SEMA6A: variants seen among roughly 807,000 people sequenced by gnomAD.
The protein encoded by SEMA6A is semaphorin 6A.
A neutral mutation model predicts 96.8 loss-of-function variants in SEMA6A; 25 were observed. The ratio of observed to expected loss-of-function variants is 0.26; its 90% confidence interval spans 0.19 to 0.36. The LOEUF (loss-of-function observed/expected upper bound fraction) is 0.36. Among genes scored for constraint, SEMA6A ranks in the 10% least tolerant of loss-of-function variants. The pLI is 1.00. For synonymous variants in SEMA6A, 612 were observed against 518.0 expected, an observed-to-expected ratio of 1.18 and a Z score of -2.46; for missense variants, 1,363 against 1,323.1, an observed-to-expected ratio of 1.03 and a Z score of -0.47.
intron 1 of SEMA6A, among the ~76,000 whole-genome samples, chr5:116,548,769 G>A (rs1760286117): frequency 6.6e-6 from 1 of 152,128 alleles, no homozygotes; most frequent in Non-Finnish European, 1.5e-5. Flanking sequence ...GTATTGCTTT[G>A]CACAGTTCTG....
chr5:116,472,790 A>C (rs1160422764), intron 17 of SEMA6A: 1 of 935,626 alleles, frequency 1.1e-6, no homozygotes, highest in African/African-American at 1.7e-5. Context: ...GTAACAAAGA[A>C]TCTGGTCCAT....
chr5:116,516,599 G>A (rs901388407), intron 1 of SEMA6A, among the ~76,000 whole-genome samples: 2 of 152,078 alleles, frequency 1.3e-5, no homozygotes, highest in African/African-American at 4.8e-5. Flanking sequence ...TAACGTAGGT[G>A]TTTTCCAAAG....
At chr5:116,498,877 T>C (rs1005903467) in intron 3 of SEMA6A, 5 of 152,206 alleles carry the variant, frequency 3.3e-5, no homozygotes, top group African/African-American at 9.7e-5. Context: ...ATATGAATTG[T>C]AAATGAACAA....
chr5:116,503,521 T>A (rs991317455), intron 2 of SEMA6A, among the ~76,000 whole-genome samples: 67 of 151,820 alleles, frequency 4.4e-4, no homozygotes, highest in East Asian at 9.7e-4. Flanking sequence ...TCCCTTCTTT[T>A]TTTTTTTTTG....
chr5:116,491,971 C>G, intron 6 of SEMA6A, 141 bp from the exon 7 acceptor site: 1 of 654,566 alleles, frequency 1.5e-6, no homozygotes, highest in Non-Finnish European at 2.7e-6. Flanking sequence ...CACTTTTAAA[C>G]TGTAGTTGAG....
chr5:116,528,057 T>A (rs1038592767), intron 1 of SEMA6A, among the ~76,000 whole-genome samples: 2 of 152,218 alleles, frequency 1.3e-5, no homozygotes, highest in Non-Finnish European at 2.9e-5. Flanking sequence ...TTTAGGTGAA[T>A]CTAGTTGTAA....
At chr5:116,534,062 C>A (rs17140041) in intron 1 of SEMA6A, among the ~76,000 whole-genome samples, 11,828 of 152,192 alleles carry the variant, frequency 0.078, 750 homozygotes, top group African/African-American at 0.18. Flanking sequence ...TGCCAAACAC[C>A]TTCCAAGGGT....
At position 116,480,155 on chromosome 5, in the gene SEMA6A, A is replaced by T. The variant is rs764704041; in HGVS notation, c.1217T>A (p.Phe406Tyr). ...TGTTCTCAGGAACCATGGCCTGTTG[A>T]AGATGGAGGGCACTGCCTCATCCAT... ...PLMDEAVPSI[F>Y]NRPWFLRTMV... The change falls in exon 12 of 19, where the codon TTC (phenylalanine) becomes TAC (tyrosine). Residue 406 changes from phenylalanine to tyrosine, a missense_variant. Phe to Tyr is a conservative substitution (Grantham distance 22). This residue lies in a region of SEMA6A where 480 missense variants were observed against 559.5 expected (regional missense o/e 0.86). Coordinates refer to ENST00000343348, the MANE Select transcript of SEMA6A (RefSeq NM_020796.5). 2.5e-6 allele frequency: 4 copies of T among 1,613,704 alleles called. No individual in the cohort carries two copies. Among genetic ancestry groups the T allele is most frequent in the African/African-American group, 1.3e-5 (1 of 74,906 alleles).
At chr5:116,492,187 A>T (rs1301794008) in intron 6 of SEMA6A, 1 of 256,168 alleles carries the variant, frequency 3.9e-6, no homozygotes, top group African/African-American at 2.3e-5. Context: ...AATGATGCTT[A>T]GCACACAGTG....
At position 116,478,664 on chromosome 5, in the gene SEMA6A, G is replaced by A; in HGVS notation, c.1305C>T (p.His435=). Residue 435 remains histidine (H), a synonymous_variant, in exon 13 of 19, where the codon CAC becomes CAT. Coordinates refer to ENST00000343348, the MANE Select transcript of SEMA6A (RefSeq NM_020796.5). ...VDTAAGPYQN[H]TVVFLGSEKG... The stretch of plus-strand genomic sequence containing the variant: ...TCTCTGATCCCAGAAAAACCACAGT[G>A]TGATTCTGATATGGCCCAGCAGCTG... The A allele has an allele frequency of 6.2e-7, 1 of 1,613,792 alleles. No homozygotes were observed. Among genetic ancestry groups the A allele is most frequent in the Non-Finnish European group, 8.5e-7 (1 of 1,179,836 alleles).
chr5:116,491,690 G>T, intron 7 of SEMA6A, 50 bp downstream of exon 7: 1 of 1,385,592 alleles, frequency 7.2e-7, no homozygotes, highest in Non-Finnish European at 1.0e-6. Flanking sequence ...CACAGTGACA[G>T]GATGAAACAA....
chr5:116,569,987 A>G (rs990731599), intron 1 of SEMA6A, among the ~76,000 whole-genome samples: 2 of 152,132 alleles, frequency 1.3e-5, no homozygotes, highest in Non-Finnish European at 2.9e-5. Flanking sequence ...GTTTTATATG[A>G]TACCCTCTAT....
chr5:116,492,299 C>G (rs1485876074), intron 6 of SEMA6A: 2 of 147,626 alleles, frequency 1.4e-5, no homozygotes, highest in African/African-American at 2.5e-5. Flanking sequence ...ATGTAACTAA[C>G]CTAAAAAAAA....
chr5:116,486,957 G>A lies in SEMA6A; in HGVS notation c.754C>T (p.Pro252Ser). 6.2e-7 allele frequency: 1 copy of A among 1,612,924 alleles called. No individual in the cohort carries two copies. The highest frequency in any genetic ancestry group is 8.5e-7 in the Non-Finnish European group (1 of 1,179,162). The change falls in exon 10 of 19, where the codon CCA becomes TCA. Residue 252 changes from proline to serine, a missense_variant. Coordinates refer to ENST00000343348, the MANE Select transcript of SEMA6A (RefSeq NM_020796.5). ...EYNTMGKVVF[P>S]RVAQVCKNDM... ...TTCTTACAAACCTGAGCCACTCTTG[G>A]GAAAACTACCTGCAGAGGAAAAACA...
chr5:116,482,138 G>A (rs190216649), intron 11 of SEMA6A, among the ~76,000 whole-genome samples: 151 of 152,274 alleles, frequency 9.9e-4, no homozygotes, highest in Non-Finnish European at 1.4e-3. Context: ...TATTGAACTT[G>A]TACAATACCC....
intron 10 of SEMA6A, among the ~76,000 whole-genome samples, chr5:116,486,058 C>G (rs1757034231): frequency 6.6e-6 from 1 of 152,154 alleles, no homozygotes; most frequent in African/African-American, 2.4e-5. Flanking sequence ...TTTGTAGGTA[C>G]AATGTTTGAT....
At chr5:116,554,228 T>TA (rs1760522905) in intron 1 of SEMA6A, among the ~76,000 whole-genome samples, 1 of 152,150 alleles carries the variant, frequency 6.6e-6, no homozygotes, top group Non-Finnish European at 1.5e-5. Flanking sequence ...AGCCAGGAGT[T>TA]AGAGTTTGTT....
intron 1 of SEMA6A, among the ~76,000 whole-genome samples, chr5:116,525,316 A>C (rs555152852): frequency 6.6e-5 from 10 of 152,226 alleles, no homozygotes; most frequent in East Asian, 1.9e-4. Flanking sequence ...TCTGTGCTCT[A>C]AAGTGGGATA....
intron 16 of SEMA6A, among the ~76,000 whole-genome samples, chr5:116,474,854 C>T (rs1432425559): frequency 6.6e-6 from 1 of 152,022 alleles, no homozygotes; most frequent in African/African-American, 2.4e-5. Context: ...TTTAAATTAG[C>T]ATTAATAAAG....
Sources: gnomAD v4.1 joint callset for allele counts (sites outside exome capture counted in the v4.1 genomes callset) on GRCh38, gnomAD v4.1.1 for gene constraint, gnomAD v4.1.1 regional missense constraint, MANE v1.5 for transcripts, NCBI Gene and HGNC (gene_info 2026-07-23, HGNC 2026-07-21) for gene names.